LRRC4C: variants seen among roughly 807,000 people sequenced by gnomAD.
LRRC4C encodes leucine rich repeat containing 4C.
A neutral mutation model predicts 33.6 loss-of-function variants in LRRC4C; 5 were observed. That is an observed-to-expected ratio of 0.15 (90% CI 0.08 to 0.31). The LOEUF (loss-of-function observed/expected upper bound fraction) is 0.31, where lower values mean the gene tolerates loss of function less well. Ranked by LOEUF, LRRC4C falls within the 10% of genes least tolerant of loss-of-function variation. The probability of loss-of-function intolerance (pLI) is 1.00; values close to 1 mark genes in which losing one functional copy is unlikely to be tolerated. For synonymous variants in LRRC4C, 329 were observed against 302.0 expected (o/e 1.09, Z -0.93); for missense variants, 560 against 796.7 (o/e 0.70, Z 3.58).
chr11:40,842,167 G>C (rs1288222443), intron 2 of LRRC4C, among the ~76,000 whole-genome samples: 2 of 152,018 alleles, frequency 1.3e-5, no homozygotes, highest in Non-Finnish European at 2.9e-5. Flanking sequence ...TTGTCTTTAG[G>C]GGACAGTGAA....
intron 1 of LRRC4C, among the ~76,000 whole-genome samples, chr11:41,242,128 C>A (rs1177252582): frequency 6.6e-6 from 1 of 152,004 alleles, no homozygotes; most frequent in Non-Finnish European, 1.5e-5. Flanking sequence ...GCAAGCCATT[C>A]CACTTAAGAT....
intron 2 of LRRC4C, among the ~76,000 whole-genome samples, chr11:40,857,619 C>T (rs745647575): frequency 2.6e-5 from 4 of 152,072 alleles, no homozygotes; most frequent in African/African-American, 7.2e-5. Flanking sequence ...AGAATAAATA[C>T]GTATTATTAG....
intron 1 of LRRC4C, among the ~76,000 whole-genome samples, chr11:41,308,966 G>A (rs1428322205): frequency 2.0e-5 from 3 of 152,030 alleles, no homozygotes; most frequent in Admixed American, 2.0e-4. Flanking sequence ...CAACACGCCC[G>A]GCTAATTTTG....
chr11:41,163,284 GTTTTTTTT>G (rs71466923), intron 1 of LRRC4C, among the ~76,000 whole-genome samples: 4 of 73,382 alleles, frequency 5.5e-5, no homozygotes, highest in African/African-American at 2.0e-4. Flanking sequence ...TACTGTAACT[GTTTTTTTT>G]TTTTTTTTTC....
intron 3 of LRRC4C, among the ~76,000 whole-genome samples, chr11:40,635,250 T>C (rs1291195485): frequency 2.0e-5 from 3 of 152,204 alleles, no homozygotes; most frequent in Non-Finnish European, 2.9e-5. Context: ...CCCAAGTGGG[T>C]GTGTGTTACT....
chr11:40,897,403 A>G (rs1482039975), intron 2 of LRRC4C, among the ~76,000 whole-genome samples: 1 of 152,208 alleles, frequency 6.6e-6, no homozygotes. Flanking sequence ...GAGTCAAAGA[A>G]AGCAAGTCAT....
intron 2 of LRRC4C, among the ~76,000 whole-genome samples, chr11:40,738,172 A>G (rs1449760652): frequency 6.6e-6 from 1 of 152,150 alleles, no homozygotes; most frequent in Non-Finnish European, 1.5e-5. Context: ...AGCCATATAC[A>G]GAAAACTGAA....
intron 1 of LRRC4C, among the ~76,000 whole-genome samples, chr11:41,167,473 G>A (rs948660576): frequency 6.6e-6 from 1 of 152,106 alleles, no homozygotes; most frequent in Non-Finnish European, 1.5e-5. Context: ...AAAACATTTA[G>A]TCTACCACCT....
intron 1 of LRRC4C, among the ~76,000 whole-genome samples, chr11:41,195,248 C>T (rs1946132560): frequency 6.6e-6 from 1 of 152,066 alleles, no homozygotes; most frequent in Admixed American, 6.6e-5. Flanking sequence ...AAAGTAAATA[C>T]TATTTAAATT....
chr11:40,805,594 T>C (rs1427195985), intron 2 of LRRC4C, among the ~76,000 whole-genome samples: 1 of 152,176 alleles, frequency 6.6e-6, no homozygotes, highest in Non-Finnish European at 1.5e-5. Flanking sequence ...TTCAAGAGTG[T>C]GACGATAAGT....
intron 3 of LRRC4C, among the ~76,000 whole-genome samples, chr11:40,429,041 G>T (rs1950816551): frequency 6.6e-6 from 1 of 152,128 alleles, no homozygotes; most frequent in South Asian, 2.1e-4. Flanking sequence ...AGATTATGTT[G>T]TTCTTCAAAA....
chr11:40,429,584 C>CAAAAAA (rs1950842334), intron 3 of LRRC4C, among the ~76,000 whole-genome samples: 1 of 149,924 alleles, frequency 6.7e-6, no homozygotes, highest in African/African-American at 2.5e-5. Context: ...AAAAACAAAA[C>CAAAAAA]AAAACATGTA....
At chr11:40,540,048 C>T (rs1464313078) in intron 3 of LRRC4C, among the ~76,000 whole-genome samples, 1 of 152,094 alleles carries the variant, frequency 6.6e-6, no homozygotes, top group Admixed American at 6.6e-5. Flanking sequence ...TTCAAACTTT[C>T]AAAGTTGGAA....
At chr11:40,942,197 T>C (rs1958183605) in intron 1 of LRRC4C, among the ~76,000 whole-genome samples, 1 of 152,122 alleles carries the variant, frequency 6.6e-6, no homozygotes, top group South Asian at 2.1e-4. Context: ...TCCTATGTTT[T>C]ATAAGAATGG....
At chr11:40,385,833 C>T (rs1565337773) in intron 3 of LRRC4C, among the ~76,000 whole-genome samples, 1 of 145,458 alleles carries the variant, frequency 6.9e-6, no homozygotes, top group Non-Finnish European at 1.5e-5. Flanking sequence ...TGCCATTGTA[C>T]TCCAGCCTGG....
chr11:40,739,029 ATG>A (rs746979119), intron 2 of LRRC4C, among the ~76,000 whole-genome samples: 122 of 137,172 alleles, frequency 8.9e-4, no homozygotes, highest in African/African-American at 1.8e-3. Flanking sequence ...GTGTGTGTGT[ATG>A]TGTGTGTGTG....
chr11:41,238,768 C>A (rs1250264449), intron 1 of LRRC4C, among the ~76,000 whole-genome samples: 1 of 152,074 alleles, frequency 6.6e-6, no homozygotes, highest in East Asian at 1.9e-4. Flanking sequence ...ATATAAAGAT[C>A]CAGTGTCAGG....
At chr11:41,156,223 T>G (rs1011762491) in intron 1 of LRRC4C, among the ~76,000 whole-genome samples, 2 of 152,030 alleles carry the variant, frequency 1.3e-5, no homozygotes, top group Admixed American at 1.3e-4. Flanking sequence ...TTGATATTAT[T>G]ACACTGAAAG....
At position 40,487,603 on chromosome 11, in the gene LRRC4C, A is replaced by C. The variant is rs1953929464; in HGVS notation, c.-270+160539T>G. Among the ~76,000 whole-genome samples, 4 of 151,774 alleles carry C rather than the reference A, an allele frequency of 2.6e-5. No homozygotes were observed. The South Asian group carries it at 8.4e-4, about 32-fold the overall frequency. On this transcript the variant is annotated intron_variant, in intron 3 of 6. Coordinates refer to ENST00000528697, the MANE Select transcript of LRRC4C (RefSeq NM_001258419.2). ...TGTAGGGAATTTTGAAGAACTTGTC[A>C]ACTAGTAAAACAGATTTTAAAACCT...
Sources: allele counts gnomAD v4.1 joint callset (sites outside exome capture counted in the v4.1 genomes callset), GRCh38; gene constraint gnomAD v4.1.1; transcripts MANE v1.5; gene names NCBI Gene and HGNC (gene_info 2026-07-23, HGNC 2026-07-21).